The following TNS3 variants were observed in gnomAD, a reference collection of about 807,000 sequenced individuals.
TNS3 encodes tensin 3.
Under a neutral mutation model 140.9 loss-of-function variants are expected in TNS3, and 45 were observed. The ratio of observed to expected loss-of-function variants is 0.32; its 90% confidence interval spans 0.25 to 0.41. TNS3 has a LOEUF of 0.41. Among genes scored for constraint, TNS3 ranks in the 10% least tolerant of loss-of-function variants. The pLI, the probability that TNS3 is intolerant of heterozygous loss-of-function variation, is 1.00. For missense variants in TNS3, 1,716 were observed against 1,906.7 expected (o/e 0.90, Z 1.86); for synonymous variants, 815 against 788.4 (o/e 1.03, Z -0.56).
intron 12 of TNS3, among the ~76,000 whole-genome samples, chr7:47,412,622 A>C (rs530729282): frequency 1.6e-4 from 25 of 152,294 alleles, no homozygotes; most frequent in African/African-American, 6.0e-4. Context: ...TAAAAATGGA[A>C]AACAAAATGG....
At chr7:47,380,904 G>A (rs1791716474) in intron 16 of TNS3, among the ~76,000 whole-genome samples, 1 of 152,210 alleles carries the variant, frequency 6.6e-6, no homozygotes, top group South Asian at 2.1e-4. Flanking sequence ...TGCCAGAGGA[G>A]GGCGGGGGCG....
At chr7:47,490,218 T>C (rs1339103928) in intron 3 of TNS3, among the ~76,000 whole-genome samples, 2 of 152,220 alleles carry the variant, frequency 1.3e-5, no homozygotes, top group African/African-American at 4.8e-5. Flanking sequence ...AACTCATGCA[T>C]TCCTCACCAG....
intron 17 of TNS3, among the ~76,000 whole-genome samples, chr7:47,365,928 A>G (rs1790673595): frequency 6.6e-6 from 1 of 152,230 alleles, no homozygotes; most frequent in Admixed American, 6.5e-5. Flanking sequence ...ATTGGAAGAC[A>G]TATTAACCTC....
At chr7:47,481,914 T>C (rs2151792902) in intron 3 of TNS3, among the ~76,000 whole-genome samples, 1 of 152,288 alleles carries the variant, frequency 6.6e-6, no homozygotes, top group East Asian at 1.9e-4. Flanking sequence ...TTTCCACATC[T>C]GAAAACTGCA....
At chr7:47,318,842 C>T (rs1787562742) in intron 20 of TNS3, among the ~76,000 whole-genome samples, 1 of 152,366 alleles carries the variant, frequency 6.6e-6, no homozygotes, top group East Asian at 1.9e-4. Flanking sequence ...AATGAAGAGG[C>T]TGTACCTAAG....
At chr7:47,395,170 T>C (rs1584558108) in intron 16 of TNS3, among the ~76,000 whole-genome samples, 1 of 152,202 alleles carries the variant, frequency 6.6e-6, no homozygotes, top group South Asian at 2.1e-4. Flanking sequence ...CGCCTCCCTG[T>C]TCTCCATGAG....
chr7:47,457,137 AGGG>A (rs1796287096), intron 4 of TNS3, among the ~76,000 whole-genome samples: 1 of 2,830 alleles, frequency 3.5e-4, no homozygotes, highest in Non-Finnish European at 7.3e-4. Flanking sequence ...GGAGGGGAGG[AGGG>A]GAGGGGAGGG....
intron 4 of TNS3, among the ~76,000 whole-genome samples, chr7:47,450,745 G>A (rs1042161670): frequency 2.6e-5 from 4 of 152,202 alleles, no homozygotes; most frequent in Admixed American, 1.3e-4. Context: ...CTTACCCAGG[G>A]GCCAATATGG....
At chr7:47,294,542 G>A (rs1194312814) in intron 24 of TNS3, among the ~76,000 whole-genome samples, 1 of 152,206 alleles carries the variant, frequency 6.6e-6, no homozygotes, top group East Asian at 1.9e-4. Flanking sequence ...ACAGTGTGCT[G>A]TATTTCTGGG....
At chr7:47,298,633 G>A (rs1417221944) in intron 23 of TNS3, among the ~76,000 whole-genome samples, 1 of 152,228 alleles carries the variant, frequency 6.6e-6, no homozygotes, top group South Asian at 2.1e-4. Context: ...CTGCCTGGAA[G>A]CGATCAGGGC....
chr7:47,389,154 A>AAGAAGAAGAAGAAGAAGAAGC lies in TNS3; in HGVS notation c.1024+7645_1024+7646insGCTTCTTCTTCTTCTTCTTCT, dbSNP rs1340201271. 3.4e-4 allele frequency among the ~76,000 whole-genome samples: 28 copies of AAGAAGAAGAAGAAGAAGAAGC among 82,294 alleles called. 8 individuals carry two copies. Among genetic ancestry groups the AAGAAGAAGAAGAAGAAGAAGC allele is most frequent in the East Asian group, 1.1e-3 (3 of 2,778 alleles). The allele number at this position is 82,294 out of a possible 152,430, so 54.0% of individuals were successfully genotyped here. On this transcript the variant is annotated intron_variant, in intron 16 of 30. Coordinates refer to ENST00000311160, the MANE Select transcript of TNS3 (RefSeq NM_022748.12). ...GAAGAAGAAGAAGAAGAAGAAGAAGAAGCAGAAGAAGCAGCAGAAGCAGAA... is the reference window on the plus strand; with the variant it reads ...GAAGAAGAAGAAGAAGAAGAAGAAGAAGAAGAAGAAGAAGAAGAAGCAGCAGAAGAAGCAGCAGAAGCAGAA...
rs1186427934 is a variant in TNS3 at position 47,533,123 on chromosome 7, A to ATATTT, written c.-264-3977_-264-3976insAAATA. On this transcript the variant is annotated intron_variant, in intron 1 of 30. Transcript: ENST00000311160. ...AGATTTTATATATATATATATATAT[A>ATATTT]TTTTTTTTTTTTTTTTTTTTTTTTT... Among the ~76,000 whole-genome samples the ATATTT allele has an allele frequency of 5.2e-4, 46 of 88,822 alleles. 3 individuals are homozygous for ATATTT. The highest frequency in any genetic ancestry group is 2.6e-3 in the African/African-American group (42 of 16,006). The allele number at this position is 88,822 out of a possible 152,430, so 58.3% of individuals were successfully genotyped here.
At chr7:47,508,523 A>AGGCCTCT (rs1222549297) in intron 2 of TNS3, among the ~76,000 whole-genome samples, 1 of 152,216 alleles carries the variant, frequency 6.6e-6, no homozygotes, top group East Asian at 1.9e-4. Context: ...GGCGGTGGGC[A>AGGCCTCT]GGCCTCTGGC....
chr7:47,389,151 A>C (rs368341374), intron 16 of TNS3, among the ~76,000 whole-genome samples: 434 of 29,530 alleles, frequency 0.015, 119 homozygotes, highest in East Asian at 0.12. Context: ...GAAGAAGAAG[A>C]AGAAGCAGAA....
chr7:47,398,327 C>T (rs931960700), intron 15 of TNS3, among the ~76,000 whole-genome samples: 11 of 151,946 alleles, frequency 7.2e-5, no homozygotes, highest in Admixed American at 5.2e-4. Flanking sequence ...GCCAGTATCA[C>T]CCTGATACCA....
intron 1 of TNS3, among the ~76,000 whole-genome samples, chr7:47,542,672 T>G (rs545142573): frequency 1.7e-4 from 26 of 152,206 alleles, no homozygotes; most frequent in African/African-American, 6.0e-4. Context: ...TGGCTCAACC[T>G]GTAATCCCAA....
rs369348388 is a variant in TNS3, at chr7:47,373,499, G to A, written c.1025-3878C>T. ...CGCTCCCTGGGCTCATCTCTTTACC[G>A]CCTGCCCTGTTCCTAGCAGTCCACT... On this transcript the variant is annotated intron_variant, in intron 16 of 30. Coordinates refer to ENST00000311160, the MANE Select transcript of TNS3 (RefSeq NM_022748.12). Among the ~76,000 whole-genome samples the A allele has an allele frequency of 8.7e-4, 133 of 152,234 alleles. 1 individual carries two copies. The highest frequency in any genetic ancestry group is 3.0e-3 in the African/African-American group (125 of 41,538).
At chr7:47,396,616 C>T in intron 16 of TNS3, 184 bp downstream of exon 16, 2 of 614,508 alleles carry the variant, frequency 3.3e-6, no homozygotes, top group South Asian at 3.7e-5. Flanking sequence ...ACTCACCATG[C>T]CTTATTCTCA....
chr7:47,487,766 A>C lies in TNS3; in HGVS notation c.-114-6625T>G, dbSNP rs531564971. Among the ~76,000 whole-genome samples the C allele has an allele frequency of 1.4e-4, 22 of 152,382 alleles. No homozygotes were observed. The South Asian group carries it at 2.3e-3, about 16-fold the overall frequency. On this transcript the variant is annotated intron_variant, in intron 3 of 30. Coordinates refer to ENST00000311160, the MANE Select transcript of TNS3 (RefSeq NM_022748.12). ...TATCATACATAAAATTACTTTAATC[A>C]TAATAGTTTTAACTCTAAGATAAGT...
Sources: allele counts gnomAD v4.1 joint callset (sites outside exome capture counted in the v4.1 genomes callset), GRCh38; gene constraint gnomAD v4.1.1; transcripts MANE v1.5; gene names NCBI Gene and HGNC (gene_info 2026-07-23, HGNC 2026-07-21).